Variants in PTPRD observed in about 807,000 individuals in gnomAD.
PTPRD encodes receptor-type tyrosine-protein phosphatase delta.
PTPRD carries 34 observed loss-of-function variants against 214.5 expected under a neutral mutation model. The ratio of observed to expected loss-of-function variants is 0.16; its 90% CI spans 0.12 to 0.21. The LOEUF (loss-of-function observed/expected upper bound fraction) is 0.21, where lower values mean the gene tolerates loss of function less well. Among genes scored for constraint, PTPRD ranks in the 10% least tolerant of loss-of-function variants. The probability of loss-of-function intolerance (pLI) is 1.00; values close to 1 mark genes in which losing one functional copy is unlikely to be tolerated. For synonymous variants in PTPRD, 1,128 were observed against 845.7 expected (o/e 1.33, Z -5.79); for missense variants, 2,545 against 2,398.7 (o/e 1.06, Z -1.27).
chr9:9,254,712 G>T (rs1273278007), intron 9 of PTPRD, among the ~76,000 whole-genome samples: 1 of 152,008 alleles, frequency 6.6e-6, no homozygotes, highest in Admixed American at 6.6e-5. Flanking sequence ...GTTTCTTGTT[G>T]AAGAAATCTC....
At chr9:10,081,081 T>C (rs2098228711) in intron 3 of PTPRD, among the ~76,000 whole-genome samples, 2 of 152,022 alleles carry the variant, frequency 1.3e-5, no homozygotes, top group Admixed American at 1.3e-4. Flanking sequence ...CTCTTTCTCC[T>C]TTTTTTAAAC....
chr9:9,511,178 C>G (rs2096698164), intron 8 of PTPRD, among the ~76,000 whole-genome samples: 1 of 151,720 alleles, frequency 6.6e-6, no homozygotes, highest in Admixed American at 6.6e-5. Flanking sequence ...AAATATCACA[C>G]TGTATATTCT....
At chr9:9,600,740 C>A in intron 7 of PTPRD, among the ~76,000 whole-genome samples, 1 of 152,052 alleles carries the variant, frequency 6.6e-6, no homozygotes, top group South Asian at 2.1e-4. Flanking sequence ...ATAACAGAAC[C>A]GTCCATCCTT....
At chr9:10,554,814 C>T (rs1416112307) in intron 2 of PTPRD, among the ~76,000 whole-genome samples, 1 of 152,098 alleles carries the variant, frequency 6.6e-6, no homozygotes, top group Non-Finnish European at 1.5e-5. Context: ...GCGCCCGCCA[C>T]CACGCCCGGC....
At chr9:9,941,088 A>G (rs1423950605) in intron 4 of PTPRD, among the ~76,000 whole-genome samples, 1 of 152,112 alleles carries the variant, frequency 6.6e-6, no homozygotes, top group South Asian at 2.1e-4. Context: ...TTCCAAAAAA[A>G]TCTCATGTTT....
At chr9:10,362,904 T>A (rs755528826) in intron 2 of PTPRD, among the ~76,000 whole-genome samples, 1 of 151,828 alleles carries the variant, frequency 6.6e-6, no homozygotes, top group Non-Finnish European at 1.5e-5. Flanking sequence ...AATAAATAAA[T>A]AACTTTGCCT....
chr9:9,921,811 A>G (rs530986981), intron 5 of PTPRD, among the ~76,000 whole-genome samples: 77 of 152,124 alleles, frequency 5.1e-4, no homozygotes, highest in Admixed American at 1.6e-3. Context: ...AGCAGCTGAT[A>G]TTATGTGTCC....
intron 2 of PTPRD, among the ~76,000 whole-genome samples, chr9:10,607,716 G>GT (rs1339828990): frequency 1.3e-5 from 2 of 151,722 alleles, no homozygotes; most frequent in Non-Finnish European, 2.9e-5. Flanking sequence ...AATTTCATCA[G>GT]TTATATCACA....
At chr9:10,527,514 T>C (rs1734612360) in intron 2 of PTPRD, among the ~76,000 whole-genome samples, 1 of 152,180 alleles carries the variant, frequency 6.6e-6, no homozygotes, top group African/African-American at 2.4e-5. Flanking sequence ...AAGCCATAAA[T>C]GGCTTGTACA....
At chr9:8,498,786 A>G (rs1487480511) in intron 25 of PTPRD, among the ~76,000 whole-genome samples, 1 of 152,136 alleles carries the variant, frequency 6.6e-6, no homozygotes. Context: ...GTCATGTACA[A>G]TTTTCAGCAT....
intron 2 of PTPRD, among the ~76,000 whole-genome samples, chr9:10,585,194 G>T (rs2073498779): frequency 6.6e-6 from 1 of 151,976 alleles, no homozygotes; most frequent in Admixed American, 6.6e-5. Flanking sequence ...AGCACTAAAA[G>T]TAGTAATAAT....
At chr9:9,960,432 G>C (rs962008037) in intron 4 of PTPRD, among the ~76,000 whole-genome samples, 8 of 152,092 alleles carry the variant, frequency 5.3e-5, no homozygotes, top group African/African-American at 1.9e-4. Context: ...CCTCTATGTA[G>C]GGACTTGCTT....
chr9:9,329,870 T>C (rs10977667), intron 9 of PTPRD, among the ~76,000 whole-genome samples: 19,340 of 152,192 alleles, frequency 0.13, 1,429 homozygotes, highest in Non-Finnish European at 0.16. Context: ...CAATCATTCA[T>C]GTTCTACATA....
chr9:8,713,776 C>G (rs2098397838), intron 12 of PTPRD: 2 of 1,539,740 alleles, frequency 1.3e-6, no homozygotes, highest in Non-Finnish European at 1.8e-6. Context: ...CCCGCTGCCC[C>G]ACCGGGTCCT....
At chr9:10,395,311 C>G (rs2098146847) in intron 2 of PTPRD, among the ~76,000 whole-genome samples, 1 of 147,336 alleles carries the variant, frequency 6.8e-6, no homozygotes, top group African/African-American at 2.5e-5. Context: ...TCCAAGTGTT[C>G]TCATTGTTCA....
At chr9:8,413,555 T>C (rs1182939215) in intron 35 of PTPRD, among the ~76,000 whole-genome samples, 2 of 152,130 alleles carry the variant, frequency 1.3e-5, no homozygotes, top group African/African-American at 4.8e-5. Context: ...CATGTGCCTT[T>C]TGGGCACAGT....
intron 5 of PTPRD, among the ~76,000 whole-genome samples, chr9:9,929,497 G>A (rs574950801): frequency 6.6e-6 from 1 of 152,136 alleles, no homozygotes; most frequent in African/African-American, 2.4e-5. Context: ...GGGTTCAAAC[G>A]ATTCTTCTGC....
chr9:10,509,295 T>G (rs1589726136), intron 2 of PTPRD, among the ~76,000 whole-genome samples: 1 of 151,846 alleles, frequency 6.6e-6, no homozygotes, highest in Non-Finnish European at 1.5e-5. Flanking sequence ...TGTAGTAATT[T>G]ATTTGCCATT....
chr9:9,770,377 G>A (rs764399574), intron 5 of PTPRD, among the ~76,000 whole-genome samples: 1 of 152,014 alleles, frequency 6.6e-6, no homozygotes, highest in South Asian at 2.1e-4. Flanking sequence ...AGAAAAATAC[G>A]GTGGTTTAAT....
Sources: allele counts gnomAD v4.1 joint callset (sites outside exome capture counted in the v4.1 genomes callset), GRCh38; gene constraint gnomAD v4.1.1; transcripts MANE v1.5; gene names NCBI Gene and HGNC (gene_info 2026-07-23, HGNC 2026-07-21).